FGF12: variants seen among roughly 807,000 people sequenced by gnomAD.
FGF12 encodes the protein fibroblast growth factor 12.
FGF12 carries 14 observed loss-of-function variants against 23.6 expected under a neutral mutation model. The ratio of observed to expected loss-of-function variants is 0.59; its 90% CI spans 0.39 to 0.93. FGF12 has a LOEUF of 0.93. Among genes scored for constraint, FGF12 ranks in the 40% least tolerant of loss-of-function variants. The pLI is 0.00. For synonymous variants in FGF12, 62 were observed against 77.3 expected (o/e 0.80, Z 1.04); for missense variants, 175 against 217.8 (o/e 0.80, Z 1.24).
chr3:192,270,135 A>G (rs1277967223), intron 4 of FGF12, among the ~76,000 whole-genome samples: 5 of 145,728 alleles, frequency 3.4e-5, no homozygotes, highest in Non-Finnish European at 5.9e-5. Context: ...AATCTTTCAC[A>G]TATAAAATTC....
chr3:192,181,460 C>A (rs901329007), intron 4 of FGF12, among the ~76,000 whole-genome samples: 3 of 151,856 alleles, frequency 2.0e-5, no homozygotes, highest in African/African-American at 7.3e-5. Context: ...AAAACACACA[C>A]CTGTATCAGC....
intron 4 of FGF12, among the ~76,000 whole-genome samples, chr3:192,240,078 T>C (rs1719524801): frequency 1.3e-5 from 2 of 152,218 alleles, no homozygotes; most frequent in Non-Finnish European, 2.9e-5. Flanking sequence ...TTATACATTT[T>C]TCATAGATGT....
chr3:192,364,100 A>G (rs1264192881), intron 2 of FGF12, among the ~76,000 whole-genome samples: 1 of 152,218 alleles, frequency 6.6e-6, no homozygotes. Context: ...GCCATAGGCA[A>G]GGAAACCAGA....
At chr3:192,232,607 T>C (rs1410299965) in intron 4 of FGF12, among the ~76,000 whole-genome samples, 2 of 152,072 alleles carry the variant, frequency 1.3e-5, no homozygotes, top group Non-Finnish European at 2.9e-5. Flanking sequence ...CTTTAGTACA[T>C]TGCACATCAC....
intron 4 of FGF12, among the ~76,000 whole-genome samples, chr3:192,222,109 G>C (rs1484698053): frequency 1.3e-5 from 2 of 152,136 alleles, no homozygotes; most frequent in East Asian, 3.9e-4. Context: ...CAAGTAAATG[G>C]GGCAAGAAGT....
chr3:192,529,225 A>G (rs1375184269), intron 2 of FGF12, among the ~76,000 whole-genome samples: 1 of 152,218 alleles, frequency 6.6e-6, no homozygotes, highest in East Asian at 1.9e-4. Flanking sequence ...TTCTTCTGCT[A>G]GATACCCTAA....
intron 2 of FGF12, among the ~76,000 whole-genome samples, chr3:192,404,579 G>A (rs897103197): frequency 1.3e-5 from 2 of 152,172 alleles, no homozygotes; most frequent in African/African-American, 2.4e-5. Context: ...ATTCTAGTGT[G>A]CCTGACTAAT....
At chr3:192,355,391 G>A (rs1718424009) in intron 3 of FGF12, among the ~76,000 whole-genome samples, 1 of 152,210 alleles carries the variant, frequency 6.6e-6, no homozygotes, top group Admixed American at 6.5e-5. Flanking sequence ...GATAGATATT[G>A]TACATGTTGA....
intron 4 of FGF12, among the ~76,000 whole-genome samples, chr3:192,228,598 A>T (rs1190795038): frequency 6.6e-6 from 1 of 152,022 alleles, no homozygotes. Flanking sequence ...CCCTCGGGTG[A>T]TTTTTCCCTC....
intron 2 of FGF12, among the ~76,000 whole-genome samples, chr3:192,650,564 C>G (rs1716179688): frequency 6.6e-6 from 1 of 152,182 alleles, no homozygotes; most frequent in South Asian, 2.1e-4. Flanking sequence ...TATTATACCT[C>G]ACTGTCATAC....
chr3:192,537,857 G>T (rs565152669), intron 2 of FGF12, among the ~76,000 whole-genome samples: 1 of 151,324 alleles, frequency 6.6e-6, no homozygotes, highest in Admixed American at 6.6e-5. Flanking sequence ...TATTACTCAA[G>T]AAATTTTTGC....
At chr3:192,251,980 G>A (rs75130040) in intron 4 of FGF12, among the ~76,000 whole-genome samples, 2,121 of 152,126 alleles carry the variant, frequency 0.014, 39 homozygotes, top group East Asian at 0.046. Flanking sequence ...AACACGTATC[G>A]TTATTTAGGA....
At chr3:192,405,669 CTTTT>C (rs1484204926) in intron 2 of FGF12, among the ~76,000 whole-genome samples, 3,088 of 148,088 alleles carry the variant, frequency 0.021, 119 homozygotes, top group African/African-American at 0.074. Context: ...AATAGTTTTT[CTTTT>C]TGGTGTTTAG....
At chr3:192,598,260 GA>G (rs1339241831) in intron 2 of FGF12, among the ~76,000 whole-genome samples, 2 of 152,186 alleles carry the variant, frequency 1.3e-5, no homozygotes, top group Admixed American at 1.3e-4. Flanking sequence ...ATCACAGCAA[GA>G]GAAAAAGAAA....
At chr3:192,293,724 G>A (rs1187109226) in intron 4 of FGF12, among the ~76,000 whole-genome samples, 1 of 152,090 alleles carries the variant, frequency 6.6e-6, no homozygotes, top group Admixed American at 6.5e-5. Context: ...TTCAACATTT[G>A]CCTGCCTTTT....
chr3:192,696,125 A>G (rs1334417521), intron 2 of FGF12, among the ~76,000 whole-genome samples: 1 of 150,132 alleles, frequency 6.7e-6, no homozygotes, highest in Admixed American at 6.7e-5. Flanking sequence ...CTCTCTGCAC[A>G]TGTGTTTTTC....
intron 2 of FGF12, among the ~76,000 whole-genome samples, chr3:192,540,983 T>C (rs1259165665): frequency 2.0e-5 from 3 of 152,186 alleles, no homozygotes; most frequent in Non-Finnish European, 1.5e-5. Flanking sequence ...TCTACATGCA[T>C]GCAATATATT....
Position 192,698,845 on chromosome 3 carries a change from A to C in FGF12, c.13+28336T>G, listed in dbSNP as rs569084749. ...AGAATCACCTCCATTTTTCAAAAAG[A>C]AACCACAAAATACCAGTGAGAAGAC... On this transcript the variant is annotated intron_variant, in intron 2 of 5. Coordinates refer to ENST00000445105, the MANE Select transcript of FGF12 (RefSeq NM_004113.6). Among the ~76,000 whole-genome samples, 28 of 152,330 alleles carry C rather than the reference A, an allele frequency of 1.8e-4. No homozygotes were observed. The South Asian group carries it at 5.8e-3, about 32-fold the overall frequency.
intron 5 of FGF12, among the ~76,000 whole-genome samples, chr3:192,170,040 G>C (rs1715457368): frequency 6.9e-6 from 1 of 145,560 alleles, no homozygotes; most frequent in Non-Finnish European, 1.5e-5. Context: ...CTGCATACTA[G>C]ATAGTAACTA....
Sources: allele counts gnomAD v4.1 joint callset (sites outside exome capture counted in the v4.1 genomes callset), GRCh38; gene constraint gnomAD v4.1.1; transcripts MANE v1.5; gene names NCBI Gene and HGNC (gene_info 2026-07-23, HGNC 2026-07-21).